The following PCDHGB7 variants were observed in gnomAD, a reference collection of about 807,000 sequenced individuals.
The protein encoded by PCDHGB7 is protocadherin gamma-B7.
A neutral mutation model predicts 61.4 loss-of-function variants in PCDHGB7; 37 were observed. That is an observed-to-expected ratio of 0.60 (90% CI 0.46 to 0.79). PCDHGB7 has a LOEUF of 0.79. Ranked by LOEUF, PCDHGB7 falls within the 30% of genes least tolerant of loss-of-function variation. The pLI, the probability that PCDHGB7 is intolerant of heterozygous loss-of-function variation, is 0.00. For missense variants in PCDHGB7, 1,166 were observed against 1,202.5 expected (o/e 0.97, Z 0.45); for synonymous variants, 464 against 503.5 (o/e 0.92, Z 1.05).
Position 141,460,747 on chromosome 5 carries a change from G to A in PCDHGB7, c.2416-34060G>A, listed in dbSNP as rs148154304. On this transcript the variant is annotated intron_variant, in intron 1 of 3. Transcript: ENST00000398594. ...GCATATATACACATTGTATATATAT[G>A]TGTACATATACATATTGCATATGTA... Among the ~76,000 whole-genome samples, 351 of 151,000 alleles carry A rather than the reference G, an allele frequency of 2.3e-3. 2 individuals are homozygous for A. The highest frequency in any genetic ancestry group is 6.8e-3 in the Middle Eastern group (2 of 294).
At chr5:141,482,356 G>T (rs1330274684) in intron 1 of PCDHGB7, among the ~76,000 whole-genome samples, 1 of 152,236 alleles carries the variant, frequency 6.6e-6, no homozygotes, top group East Asian at 1.9e-4. Flanking sequence ...TGTTGTGAGA[G>T]TGAAAAGTAA....
intron 1 of PCDHGB7, among the ~76,000 whole-genome samples, chr5:141,455,769 C>T (rs1371335785): frequency 2.6e-5 from 4 of 152,014 alleles, no homozygotes; most frequent in Admixed American, 2.6e-4. Flanking sequence ...AGAGCCGGGG[C>T]TTTAAAAGAA....
chr5:141,476,714 C>T lies in PCDHGB7; in HGVS notation c.2416-18093C>T, dbSNP rs146188020. On this transcript the variant is annotated intron_variant, in intron 1 of 3. Transcript: ENST00000398594. The surrounding 1 kb of genome is among the most constrained non-coding windows in gnomAD (Gnocchi z 7.6). ...CAAGTACGCGGAGCTGGTGTTGGAG[C>T]GCGCCCTGGACCGAGAACGGGAGCC... The T allele has an allele frequency of 6.2e-7, 1 of 1,614,154 alleles. No individual in the cohort carries two copies. The highest frequency in any genetic ancestry group is 8.5e-7 in the Non-Finnish European group (1 of 1,180,032).
rs748017565 is a variant in PCDHGB7 at position 141,477,404 on chromosome 5, C to G, written c.2416-17403C>G. ...AGAATACAACCTCAGCATCACCGCCCGAGACGCCGGAACCCCTTCCCTCTC... is the reference window on the plus strand; with the variant it reads ...AGAATACAACCTCAGCATCACCGCCGGAGACGCCGGAACCCCTTCCCTCTC... On this transcript the variant is annotated intron_variant, in intron 1 of 3. Coordinates refer to ENST00000398594, the MANE Select transcript of PCDHGB7 (RefSeq NM_018927.4). The surrounding 1 kb of genome is among the most constrained non-coding windows in gnomAD (Gnocchi z 4.9). The G allele has an allele frequency of 1.9e-6, 3 of 1,614,042 alleles. No homozygotes were observed. Among genetic ancestry groups the G allele is most frequent in the African/African-American group, 1.3e-5 (1 of 74,902 alleles).
Position 141,419,216 on chromosome 5 carries a change from G to C in PCDHGB7, c.1357G>C (p.Gly453Arg). The C allele has an allele frequency of 1.9e-6, 3 of 1,613,886 alleles. No homozygotes were observed. Among genetic ancestry groups the C allele is most frequent in the Admixed American group, 1.7e-5 (1 of 60,022 alleles). The change falls in exon 1 of 4, where the codon GGA (glycine) becomes CGA (arginine). Residue 453 changes from glycine to arginine, a missense_variant. Gly to Arg is a moderately radical substitution (Grantham distance 125). Transcript: ENST00000398594. ...TDVNDNAPVF[G>R]QSAYLVHVPE... ...CGTCAATGACAACGCGCCGGTTTTC[G>C]GACAGTCAGCCTACCTGGTCCACGT... is the stretch of plus-strand genomic sequence containing the variant.
intron 1 of PCDHGB7, among the ~76,000 whole-genome samples, chr5:141,445,441 C>G (rs1201825256): frequency 6.6e-6 from 1 of 152,152 alleles, no homozygotes; most frequent in East Asian, 1.9e-4. Context: ...GACCTATGGA[C>G]TAAGGATGCA....
Position 141,505,499 on chromosome 5 carries a change from G to T in PCDHGB7, c.2563+18G>T, listed in dbSNP as rs753203943. 4.3e-6 allele frequency: 7 copies of T among 1,614,172 alleles called. No individual in the cohort carries two copies. The South Asian group carries it at 7.7e-5, about 18-fold the overall frequency. ...CGCCAGTGGTAAGTGGTGTCAGTGTGTGTATGGAAGAGTGGGAGACCTGGG... is the reference window on the plus strand; with the variant it reads ...CGCCAGTGGTAAGTGGTGTCAGTGTTTGTATGGAAGAGTGGGAGACCTGGG... On this transcript the variant is annotated intron_variant, in intron 3 of 3. Coordinates refer to ENST00000398594, the MANE Select transcript of PCDHGB7 (RefSeq NM_018927.4).
Position 141,431,297 on chromosome 5 carries a change from C to G in PCDHGB7, c.2415+11023C>G. Reference sequence around the variant, plus strand: ...GCTCAGCCCGAACACTCACTTCTCCCTCATCGTGCAAAATGGAGCCGACGG... The same window carrying G: ...GCTCAGCCCGAACACTCACTTCTCCGTCATCGTGCAAAATGGAGCCGACGG... On this transcript the variant is annotated intron_variant, in intron 1 of 3. Transcript: ENST00000398594. The surrounding 1 kb of genome is among the most constrained non-coding windows in gnomAD (Gnocchi z 4.8). The G allele has an allele frequency of 6.2e-7, 1 of 1,614,126 alleles. No individual in the cohort carries two copies. The highest frequency in any genetic ancestry group is 8.5e-7 in the Non-Finnish European group (1 of 1,180,036).
intron 1 of PCDHGB7, among the ~76,000 whole-genome samples, chr5:141,442,843 G>C (rs1264073611): frequency 2.0e-5 from 3 of 152,134 alleles, no homozygotes; most frequent in African/African-American, 7.2e-5. Flanking sequence ...GACAAATCTT[G>C]GCCATTGTAG....
chr5:141,436,875 A>C (rs1182313546), intron 1 of PCDHGB7, among the ~76,000 whole-genome samples: 3 of 152,236 alleles, frequency 2.0e-5, no homozygotes, highest in African/African-American at 7.2e-5. Context: ...TTAGGCCATA[A>C]AAGATGGGGG....
intron 1 of PCDHGB7, among the ~76,000 whole-genome samples, chr5:141,472,422 C>T (rs1328468154): frequency 6.6e-6 from 1 of 152,008 alleles, no homozygotes; most frequent in East Asian, 1.9e-4. Flanking sequence ...GCACCTGTAT[C>T]CCAGCTACTA....
At chr5:141,442,029 A>C in intron 1 of PCDHGB7, 1 of 210,292 alleles carries the variant, frequency 4.8e-6, no homozygotes, top group Non-Finnish European at 9.8e-6. Context: ...CAGGAAAGCG[A>C]CTCGCCAGCG....
intron 1 of PCDHGB7, among the ~76,000 whole-genome samples, chr5:141,446,802 G>T (rs2098516342): frequency 6.6e-6 from 1 of 152,130 alleles, no homozygotes; most frequent in South Asian, 2.1e-4. Flanking sequence ...CTTCCATTGT[G>T]ATCATCTAGT....
chr5:141,418,986 C>T lies in PCDHGB7; in HGVS notation c.1127C>T (p.Ser376Leu). 1 of 1,613,930 alleles carries T rather than the reference C, an allele frequency of 6.2e-7. No individual in the cohort carries two copies. Among genetic ancestry groups the T allele is most frequent in the Non-Finnish European group, 8.5e-7 (1 of 1,179,856 alleles). ...CTCTTCAAAACACGGGACCAAGACT[C>T]AGGGGAAAATGGGGAAGTCAGGTGT... Reference protein sequence around the residue: ...VALFKTRDQDSGENGEVRCSL... With the variant: ...VALFKTRDQDLGENGEVRCSL... Residue 376 changes from serine (S) to leucine (L), a missense_variant, in exon 1 of 4, where the codon TCA (serine) becomes TTA (leucine). By Grantham distance (145) the Ser-to-Leu change is moderately radical. Coordinates refer to ENST00000398594, the MANE Select transcript of PCDHGB7 (RefSeq NM_018927.4).
intron 1 of PCDHGB7, among the ~76,000 whole-genome samples, chr5:141,443,873 T>A (rs1250320938): frequency 6.6e-6 from 1 of 152,100 alleles, no homozygotes; most frequent in Non-Finnish European, 1.5e-5. Context: ...AAATTACTGA[T>A]AAGTCAAGAG....
chr5:141,472,733 C>T (rs1450872513), intron 1 of PCDHGB7, among the ~76,000 whole-genome samples: 2 of 151,996 alleles, frequency 1.3e-5, no homozygotes, highest in Non-Finnish European at 2.9e-5. Context: ...CACCTGTAAT[C>T]CCAGCACTTT....
rs2233607 is a variant in PCDHGB7 at position 141,490,647 on chromosome 5, G to A, written c.2416-4160G>A. The A allele has an allele frequency of 2.5e-3, 3,973 of 1,614,082 alleles. 41 individuals carry two copies. The African/African-American group carries it at 0.027, about 11-fold the overall frequency. ...CTTACATCCTAGAAAACCGGCCTCC[G>A]GGCTCCCTTCTTTGCACTGTGGCTG... is the stretch of plus-strand genomic sequence containing the variant. On this transcript the variant is annotated intron_variant, in intron 1 of 3. Transcript: ENST00000398594. The surrounding 1 kb of genome is among the most constrained non-coding windows in gnomAD (Gnocchi z 5.4).
chr5:141,450,826 A>ATTTT (rs764729742), intron 1 of PCDHGB7, among the ~76,000 whole-genome samples: 5 of 134,360 alleles, frequency 3.7e-5, no homozygotes, highest in East Asian at 2.1e-4. Flanking sequence ...TATTATTATT[A>ATTTT]TTATTTTTTT....
At chr5:141,449,016 C>T (rs2098623330) in intron 1 of PCDHGB7, among the ~76,000 whole-genome samples, 1 of 152,008 alleles carries the variant, frequency 6.6e-6, no homozygotes, top group African/African-American at 2.4e-5. Context: ...TTAACAGTTG[C>T]TTAGCATTCC....
Sources: gnomAD v4.1 joint callset for allele counts (sites outside exome capture counted in the v4.1 genomes callset) on GRCh38, gnomAD v4.1.1 for gene constraint, Gnocchi (gnomAD v3.1) non-coding constraint, MANE v1.5 for transcripts, NCBI Gene and HGNC (gene_info 2026-07-23, HGNC 2026-07-21) for gene names.